The following XPOT variants were observed in gnomAD, a reference collection of about 807,000 sequenced individuals.
XPOT encodes the protein exportin-T.
A neutral mutation model predicts 128.2 loss-of-function variants in XPOT; 34 were observed. That is an observed-to-expected ratio of 0.27 (90% confidence interval 0.20 to 0.35). The LOEUF (loss-of-function observed/expected upper bound fraction) is 0.35, where lower values mean the gene tolerates loss of function less well. Ranked by LOEUF, XPOT falls within the 10% of genes least tolerant of loss-of-function variation. XPOT has a pLI of 1.00. For missense variants in XPOT, 838 were observed against 1,125.3 expected, an observed-to-expected ratio of 0.74 and a Z score of 3.65; for synonymous variants, 348 against 394.3, an observed-to-expected ratio of 0.88 and a Z score of 1.39.
intron 22 of XPOT, among the ~76,000 whole-genome samples, chr12:64,437,174 C>T (rs1436460721): frequency 6.6e-6 from 1 of 152,100 alleles, no homozygotes; most frequent in African/African-American, 2.4e-5. Context: ...TACTTGCTAC[C>T]TGCTAGGGTG....
In XPOT at chr12:64,425,735, T is replaced by C. The variant is rs887456761; in HGVS notation, c.1573-80T>C. ...TTAGGAGCTAAGAAGTAAAATTTGG[T>C]GTGAACAAAAATGTAGCAGGACAAT... On this transcript the variant is annotated intron_variant, in intron 14 of 24. Coordinates refer to ENST00000332707, the MANE Select transcript of XPOT (RefSeq NM_007235.6). 3.2e-5 allele frequency: 44 copies of C among 1,395,484 alleles called. No individual in the cohort carries two copies. The African/African-American group carries it at 5.6e-4, about 18-fold the overall frequency. 86.4% of individuals were successfully genotyped at this position (1,395,484 alleles called of 1,614,324 possible). A position where few individuals can be genotyped will look rare whatever the true frequency, so the allele number is the denominator to read the frequency against.
chr12:64,423,362 G>A, intron 11 of XPOT, 118 bp downstream of exon 11: 1 of 687,614 alleles, frequency 1.5e-6, no homozygotes, highest in South Asian at 2.3e-5. Context: ...TGAAAAATTA[G>A]TCTGTTTATA....
intron 24 of XPOT, among the ~76,000 whole-genome samples, chr12:64,446,854 A>G (rs567610590): frequency 1.3e-5 from 2 of 152,270 alleles, no homozygotes; most frequent in Admixed American, 6.5e-5. Context: ...TTATCTATTA[A>G]ATGAATCTCC....
At chr12:64,409,143 C>G (rs1363291159) in intron 1 of XPOT, among the ~76,000 whole-genome samples, 3 of 151,952 alleles carry the variant, frequency 2.0e-5, no homozygotes, top group Non-Finnish European at 4.4e-5. Context: ...TGTCATAGTA[C>G]TTAGTAAACA....
At chr12:64,429,954 G>T in intron 16 of XPOT, 95 bp from the exon 17 acceptor site, 1 of 1,156,396 alleles carries the variant, frequency 8.6e-7, no homozygotes. Context: ...GAGTTGGTGT[G>T]ATAGATTACA....
At chr12:64,426,672 G>T (rs1418168677) in intron 15 of XPOT, among the ~76,000 whole-genome samples, 2 of 152,096 alleles carry the variant, frequency 1.3e-5, no homozygotes, top group Admixed American at 1.3e-4. Context: ...ACCTCCATGT[G>T]TACCCCCTGA....
intron 3 of XPOT, among the ~76,000 whole-genome samples, chr12:64,415,393 G>A (rs1271456237): frequency 6.6e-6 from 1 of 151,162 alleles, no homozygotes; most frequent in African/African-American, 2.4e-5. Flanking sequence ...TTATTTTCTT[G>A]AGATGGAGTC....
At chr12:64,448,055 A>G in intron 24 of XPOT, 50 bp from the exon 25 acceptor site, 1 of 1,546,240 alleles carries the variant, frequency 6.5e-7, no homozygotes, top group Non-Finnish European at 8.9e-7. Context: ...TTCAGGTGAA[A>G]GTGATATCTT....
Position 64,429,327 on chromosome 12 carries a change from A to C in XPOT, c.1738-722A>C, listed in dbSNP as rs2136027573. 2.0e-5 allele frequency among the ~76,000 whole-genome samples: 3 copies of C among 152,304 alleles called. No homozygotes were observed. The South Asian group carries it at 6.2e-4, about 32-fold the overall frequency. On this transcript the variant is annotated intron_variant, in intron 16 of 24. Transcript: ENST00000332707. ...CCAACACTGAGGGCAGGTCTTCCCC[A>C]CATAGTCTACTTGGACTGACTAATC...
Position 64,420,203 on chromosome 12 carries a change from T to C in XPOT, c.623T>C (p.Val208Ala), listed in dbSNP as rs768349353. The C allele has an allele frequency of 1.2e-6, 2 of 1,610,734 alleles. No individual in the cohort carries two copies. The highest frequency in any genetic ancestry group is 2.2e-5 in the South Asian group (2 of 90,296). ...NSEVTCQCLE[V>A]VGAYVSWIDL... is the part of the protein sequence containing the mutation. Reference sequence around the variant, plus strand: ...GAAGTGACGTGTCAGTGCCTTGAAGTAGTTGGGGCTTATGTCTCTTGGATA... The same window carrying C: ...GAAGTGACGTGTCAGTGCCTTGAAGCAGTTGGGGCTTATGTCTCTTGGATA... Residue 208 changes from valine to alanine, a missense_variant, in exon 7 of 25, where the codon GTA (valine) becomes GCA (alanine). Coordinates refer to ENST00000332707, the MANE Select transcript of XPOT (RefSeq NM_007235.6).
chr12:64,424,308 T>A (rs2040170116), intron 11 of XPOT, among the ~76,000 whole-genome samples: 1 of 152,208 alleles, frequency 6.6e-6, no homozygotes, highest in Admixed American at 6.5e-5. Flanking sequence ...GCAGAAATAC[T>A]TATTTGTGAG....
intron 18 of XPOT, 74 bp from the exon 19 acceptor site, chr12:64,433,340 A>G: frequency 2.9e-6 from 4 of 1,371,024 alleles, no homozygotes; most frequent in Non-Finnish European, 3.9e-6. Flanking sequence ...GAAAGGCTTT[A>G]TGTAAAATAG....
chr12:64,432,045 G>T (rs1042195926), intron 18 of XPOT, among the ~76,000 whole-genome samples: 2 of 152,026 alleles, frequency 1.3e-5, no homozygotes, highest in African/African-American at 4.8e-5. Flanking sequence ...GACCCTAACC[G>T]CTTTGTGTAG....
At chr12:64,408,548 C>G (rs2040003947) in intron 1 of XPOT, among the ~76,000 whole-genome samples, 1 of 152,030 alleles carries the variant, frequency 6.6e-6, no homozygotes, top group South Asian at 2.1e-4. Flanking sequence ...AACTAGGATG[C>G]CTTTTGCAGC....
Position 64,422,983 on chromosome 12 carries a change from G to A in XPOT, c.1081-22G>A, listed in dbSNP as rs367550213. The A allele has an allele frequency of 3.7e-6, 6 of 1,609,856 alleles. No individual in the cohort carries two copies. The African/African-American group carries it at 6.7e-5, about 18-fold the overall frequency. On this transcript the variant is annotated intron_variant, in intron 9 of 24. Transcript: ENST00000332707. ...GGTATAACTTTAGAAAACCTAATAA[G>A]TTATTGCTTCCTTTTTAACAGCTTA...
In XPOT at chr12:64,420,051, T is replaced by G; in HGVS notation, c.490-19T>G. On this transcript the variant is annotated intron_variant, in intron 6 of 24. Coordinates refer to ENST00000332707, the MANE Select transcript of XPOT (RefSeq NM_007235.6). ...TTTTGTAAGGTAATCTACTTTGCAT[T>G]TGGCGTTTTGTATTTTAGGAGGCTC... The G allele has an allele frequency of 6.5e-7, 1 of 1,540,360 alleles. No homozygotes were observed. The highest frequency in any genetic ancestry group is 8.7e-7 in the Non-Finnish European group (1 of 1,151,562).
In XPOT at chr12:64,429,064, A is replaced by G. The variant is rs2040215886; in HGVS notation, c.1737+944A>G. Among the ~76,000 whole-genome samples the G allele has an allele frequency of 3.3e-5, 5 of 152,242 alleles. No individual in the cohort carries two copies. In the South Asian group the frequency reaches 8.3e-4, roughly 25 times the overall value. On this transcript the variant is annotated intron_variant, in intron 16 of 24. Coordinates refer to ENST00000332707, the MANE Select transcript of XPOT (RefSeq NM_007235.6). ...GTCACTACAACATATGCAGTCACCCAAAGAACTGAGATCACAAGAAATTTT... is the reference window on the plus strand; with the variant it reads ...GTCACTACAACATATGCAGTCACCCGAAGAACTGAGATCACAAGAAATTTT...
At chr12:64,446,313 T>C (rs556805865) in intron 24 of XPOT, among the ~76,000 whole-genome samples, 1 of 152,330 alleles carries the variant, frequency 6.6e-6, no homozygotes, top group African/African-American at 2.4e-5. Flanking sequence ...TTCTCTTCAG[T>C]GATGACATTA....
At chr12:64,440,206 A>G (rs910112417) in intron 23 of XPOT, among the ~76,000 whole-genome samples, 7 of 152,218 alleles carry the variant, frequency 4.6e-5, no homozygotes, top group Non-Finnish European at 8.8e-5. Flanking sequence ...GATACCTAAT[A>G]TAAGTGGAAT....
Sources: gnomAD v4.1 joint callset for allele counts (sites outside exome capture counted in the v4.1 genomes callset) on GRCh38, gnomAD v4.1.1 for gene constraint, MANE v1.5 for transcripts, NCBI Gene and HGNC (gene_info 2026-07-23, HGNC 2026-07-21) for gene names.